Variants in NCOA2 observed in about 807,000 individuals in gnomAD.
NCOA2 encodes nuclear receptor coactivator 2, also known as class E basic helix-loop-helix protein 75.
In NCOA2, 21 loss-of-function variants were observed where a neutral mutation model predicts 145.1. The observed-to-expected ratio is 0.14, with a 90% CI of 0.10 to 0.21. The LOEUF (loss-of-function observed/expected upper bound fraction) is 0.21. Among genes scored for constraint, NCOA2 ranks in the 10% least tolerant of loss-of-function variants. The pLI, the probability that NCOA2 is intolerant of heterozygous loss-of-function variation, is 1.00. For missense variants in NCOA2, 1,472 were observed against 1,837.6 expected, an observed-to-expected ratio of 0.80 and a Z score of 3.64; for synonymous variants, 619 against 637.5, an observed-to-expected ratio of 0.97 and a Z score of 0.44.
chr8:70,432,076 A>G, the NCOA2 span, among the ~76,000 whole-genome samples: 2 of 152,374 alleles, frequency 1.3e-5, no homozygotes, highest in African/African-American at 2.4e-5. Context: ...GTTGATAACC[A>G]TAGGTACAGA....
intron 2 of NCOA2, among the ~76,000 whole-genome samples, chr8:70,247,567 G>T (rs1464934748): frequency 6.6e-6 from 1 of 152,170 alleles, no homozygotes; most frequent in Non-Finnish European, 1.5e-5. Flanking sequence ...TGCAATGACT[G>T]CAGTTTTAAA....
chr8:70,358,523 C>A (rs1809940192), intron 1 of NCOA2, among the ~76,000 whole-genome samples: 3 of 152,230 alleles, frequency 2.0e-5, no homozygotes, highest in African/African-American at 7.2e-5. Flanking sequence ...ATGGTCTATT[C>A]AACATGTGAT....
chr8:70,340,364 A>G (rs573605307), intron 1 of NCOA2, among the ~76,000 whole-genome samples: 1 of 152,350 alleles, frequency 6.6e-6, no homozygotes, highest in East Asian at 1.9e-4. Context: ...TGATCCTTAG[A>G]GAAATGCAAA....
chr8:70,304,935 C>A (rs1290482124), intron 1 of NCOA2, among the ~76,000 whole-genome samples: 1 of 150,868 alleles, frequency 6.6e-6, no homozygotes, highest in Admixed American at 6.6e-5. Flanking sequence ...CAGCTCACTG[C>A]AGCCTCGACC....
upstream of NCOA2, chr8:70,403,847 C>CCGT (rs573660555): frequency 2.8e-6 from 1 of 363,152 alleles, no homozygotes; most frequent in African/African-American, 2.2e-5. Context: ...TCCCCCAACT[C>CCGT]CCTCCTCCTC....
chr8:70,120,947 A>T (rs1807735365), intron 22 of NCOA2, among the ~76,000 whole-genome samples: 1 of 152,156 alleles, frequency 6.6e-6, no homozygotes, highest in South Asian at 2.1e-4. Flanking sequence ...GCAAAAATAA[A>T]AGTTTGCCCT....
chr8:70,221,647 C>T (rs1350142458), intron 2 of NCOA2, among the ~76,000 whole-genome samples: 1 of 152,054 alleles, frequency 6.6e-6, no homozygotes, highest in Non-Finnish European at 1.5e-5. Context: ...GTTAATTGGT[C>T]GAAATTACCC....
At chr8:70,292,397 G>A (rs530683552) in intron 2 of NCOA2, among the ~76,000 whole-genome samples, 19 of 151,820 alleles carry the variant, frequency 1.3e-4, no homozygotes, top group South Asian at 8.3e-4. Flanking sequence ...GTGATCTGCC[G>A]CCTGGGAATC....
At chr8:70,294,842 C>T (rs903420690) in intron 2 of NCOA2, among the ~76,000 whole-genome samples, 3 of 152,158 alleles carry the variant, frequency 2.0e-5, no homozygotes, top group African/African-American at 7.2e-5. Context: ...AAGGCACTTA[C>T]ATAATGCCTA....
chr8:70,360,306 A>T (rs1181164860), intron 1 of NCOA2, among the ~76,000 whole-genome samples: 1 of 152,212 alleles, frequency 6.6e-6, no homozygotes, highest in Non-Finnish European at 1.5e-5. Flanking sequence ...AATTTAGCAC[A>T]TATTTTTCTG....
intron 6 of NCOA2, among the ~76,000 whole-genome samples, chr8:70,169,492 C>T (rs1813989414): frequency 6.6e-6 from 1 of 152,170 alleles, no homozygotes; most frequent in South Asian, 2.1e-4. Flanking sequence ...ATGTGCAGGA[C>T]TCAAAATACG....
At chr8:70,229,285 A>C (rs1820928942) in intron 2 of NCOA2, among the ~76,000 whole-genome samples, 1 of 152,242 alleles carries the variant, frequency 6.6e-6, no homozygotes, top group Non-Finnish European at 1.5e-5. Context: ...ATTTGATCTC[A>C]TGAAATGCAA....
chr8:70,166,628 T>A lies in NCOA2; in HGVS notation c.668A>T (p.Lys223Ile). 6.2e-7 allele frequency: 1 copy of A among 1,614,028 alleles called. No individual in the cohort carries two copies. ...AGCGAAGCACTGCATAGTTTCATAT[T>A]TCTGATGAGCTTCCTGGTTATCATG... ...EGHDNQEAHQ[K>I]YETMQCFAVS... Residue 223 changes from lysine to isoleucine, a missense_variant, in exon 7 of 23, where the codon AAA becomes ATA. By Grantham distance (102) the Lys-to-Ile change is moderately radical (BLOSUM62 -3). Coordinates refer to ENST00000452400, the MANE Select transcript of NCOA2 (RefSeq NM_006540.4).
chr8:70,406,763 T>G (rs1814788430), upstream of NCOA2, among the ~76,000 whole-genome samples: 1 of 152,174 alleles, frequency 6.6e-6, no homozygotes, highest in Non-Finnish European at 1.5e-5. Flanking sequence ...TCTTCCACAG[T>G]TTTCAAAGTA....
chr8:70,205,949 C>T (rs930579180), intron 4 of NCOA2, among the ~76,000 whole-genome samples: 4 of 152,252 alleles, frequency 2.6e-5, no homozygotes, highest in African/African-American at 9.6e-5. Flanking sequence ...ATACTATGCC[C>T]CAGCAATCAA....
Position 70,156,454 on chromosome 8 carries a change from C to A in NCOA2, c.1911G>T (p.Gly637=). ...TCAGCAGCTGCAGGAGTTTGGTCTG[C>A]CCTTTGCTGTCATGCAGTCTGCTCT... ...DGQSRLHDSK[G]QTKLLQLLTT... is the part of the protein sequence containing the mutation. Residue 637 remains glycine, a synonymous_variant, in exon 11 of 23, where the codon GGG becomes GGT. Coordinates refer to ENST00000452400, the MANE Select transcript of NCOA2 (RefSeq NM_006540.4). The A allele has an allele frequency of 1.2e-6, 2 of 1,613,912 alleles. No individual in the cohort carries two copies. Among genetic ancestry groups the A allele is most frequent in the Non-Finnish European group, 1.7e-6 (2 of 1,179,886 alleles).
intron 1 of NCOA2, among the ~76,000 whole-genome samples, chr8:70,319,129 C>T (rs1237124203): frequency 2.6e-5 from 4 of 152,050 alleles, no homozygotes; most frequent in Admixed American, 6.6e-5. Flanking sequence ...AGCAATGAAA[C>T]GGGAAAGACG....
intron 2 of NCOA2, among the ~76,000 whole-genome samples, chr8:70,239,721 T>C (rs898813418): frequency 1.3e-5 from 2 of 152,196 alleles, no homozygotes; most frequent in African/African-American, 4.8e-5. Context: ...AATCAGGTTC[T>C]CTCAGTCTTT....
chr8:70,267,138 C>T (rs1824666612), intron 2 of NCOA2, among the ~76,000 whole-genome samples: 1 of 152,110 alleles, frequency 6.6e-6, no homozygotes, highest in African/African-American at 2.4e-5. Context: ...AACCTGGGCT[C>T]CACTGTGCAC....
Sources: allele counts gnomAD v4.1 joint callset (sites outside exome capture counted in the v4.1 genomes callset), GRCh38; gene constraint gnomAD v4.1.1; transcripts MANE v1.5; gene names NCBI Gene and HGNC (gene_info 2026-07-23, HGNC 2026-07-21).